Variants in GRIK4 observed in about 807,000 individuals in gnomAD.
GRIK4 encodes the protein glutamate receptor ionotropic, kainate 4.
GRIK4 carries 40 observed loss-of-function variants against 104.9 expected under a neutral mutation model. The observed-to-expected ratio is 0.38, with a 90% CI of 0.30 to 0.50. The LOEUF (loss-of-function observed/expected upper bound fraction) is 0.50, where lower values mean the gene tolerates loss of function less well. GRIK4 is among the 20% of genes least tolerant of loss of function. The pLI is 0.93. For synonymous variants in GRIK4, 485 were observed against 524.9 expected, an observed-to-expected ratio of 0.92 and a Z score of 1.04; for missense variants, 1,047 against 1,308.1, an observed-to-expected ratio of 0.80 and a Z score of 3.08.
At chr11:120,602,652 A>C (rs7948179) in intron 1 of GRIK4, among the ~76,000 whole-genome samples, 185 of 152,346 alleles carry the variant, frequency 1.2e-3, no homozygotes, top group African/African-American at 4.2e-3. Context: ...CTATCTGGGT[A>C]TGAGGGTATC....
intron 13 of GRIK4, among the ~76,000 whole-genome samples, chr11:120,918,667 A>AATTCATAC (rs1429785232): frequency 6.6e-6 from 1 of 152,172 alleles, no homozygotes; most frequent in African/African-American, 2.4e-5. Flanking sequence ...CAATCTTTAT[A>AATTCATAC]ATTCATACAA....
At chr11:120,535,732 A>C (rs754587934) in intron 1 of GRIK4, among the ~76,000 whole-genome samples, 1 of 152,232 alleles carries the variant, frequency 6.6e-6, no homozygotes, top group Non-Finnish European at 1.5e-5. Flanking sequence ...CATTAGTATT[A>C]GTATAGCAGC....
At chr11:120,968,794 A>T (rs529137079) in intron 19 of GRIK4, among the ~76,000 whole-genome samples, 2 of 152,294 alleles carry the variant, frequency 1.3e-5, no homozygotes, top group South Asian at 4.1e-4. Context: ...GTTTCAGCAC[A>T]TTAGTTAGCA....
chr11:120,905,576 A>C lies in GRIK4; in HGVS notation c.1476+83A>C. 1 of 902,394 alleles carries C rather than the reference A, an allele frequency of 1.1e-6. No individual in the cohort carries two copies. The highest frequency in any genetic ancestry group is 1.8e-6 in the Non-Finnish European group (1 of 554,278). 55.9% of individuals were successfully genotyped at this position (902,394 alleles called of 1,614,324 possible). ...ATGAGGTTGTGCTGCACGCTCATGAACCCTCCATTTGTTCAGTCAATCATT... is the reference window on the plus strand; with the variant it reads ...ATGAGGTTGTGCTGCACGCTCATGACCCCTCCATTTGTTCAGTCAATCATT... On this transcript the variant is annotated intron_variant, in intron 13 of 20. Coordinates refer to ENST00000527524, the MANE Select transcript of GRIK4 (RefSeq NM_014619.5). The surrounding 1 kb of genome is among the most constrained non-coding windows in gnomAD (Gnocchi z 5.1).
intron 19 of GRIK4, among the ~76,000 whole-genome samples, chr11:120,970,359 C>T (rs1944455120): frequency 6.6e-6 from 1 of 152,160 alleles, no homozygotes; most frequent in African/African-American, 2.4e-5. Context: ...AGGTCCAGGC[C>T]GCAAGCTCTG....
chr11:120,971,967 T>G (rs1464510958), intron 19 of GRIK4, among the ~76,000 whole-genome samples: 1 of 152,220 alleles, frequency 6.6e-6, no homozygotes. Context: ...GGAGACTAAA[T>G]GGGAGCTGCT....
chr11:120,885,674 C>A (rs1234939743), intron 11 of GRIK4, among the ~76,000 whole-genome samples: 1 of 152,206 alleles, frequency 6.6e-6, no homozygotes, highest in Non-Finnish European at 1.5e-5. Context: ...CATGAGCCAC[C>A]ACGCCTGGCC....
chr11:120,898,125 C>T (rs1942635611), intron 11 of GRIK4, among the ~76,000 whole-genome samples: 2 of 152,172 alleles, frequency 1.3e-5, no homozygotes. Flanking sequence ...TCCAGTATAG[C>T]CTTCTGGTTC....
chr11:120,891,738 A>G (rs983048773), intron 11 of GRIK4, among the ~76,000 whole-genome samples: 2 of 152,146 alleles, frequency 1.3e-5, no homozygotes, highest in Non-Finnish European at 2.9e-5. Flanking sequence ...GGTCACATCG[A>G]TGAATGTTTG....
intron 4 of GRIK4, among the ~76,000 whole-genome samples, chr11:120,809,888 G>A (rs1205698569): frequency 6.6e-6 from 1 of 152,008 alleles, no homozygotes; most frequent in Non-Finnish European, 1.5e-5. Flanking sequence ...CGATGTAGTG[G>A]GGCCCCATCT....
rs572200371 is a variant in GRIK4 at position 120,553,339 on chromosome 11, A to C, written c.-159+41452A>C. 3.3e-5 allele frequency among the ~76,000 whole-genome samples: 5 copies of C among 152,292 alleles called. No individual in the cohort carries two copies. The East Asian group carries it at 7.7e-4, about 24-fold the overall frequency. ...GCACTGGGGACACCCAGAGGAAGGA[A>C]GAGTGGGAGGAGGGGCCAACCCTGT... is the stretch of plus-strand genomic sequence containing the variant. On this transcript the variant is annotated intron_variant, in intron 1 of 20. Transcript: ENST00000527524.
At chr11:120,687,311 A>G (rs1015257057) in intron 3 of GRIK4, among the ~76,000 whole-genome samples, 4 of 152,180 alleles carry the variant, frequency 2.6e-5, no homozygotes, top group South Asian at 2.1e-4. Context: ...CCACTTTACC[A>G]TACTGCTTTA....
At chr11:120,787,847 C>CTTCTTTTTTTTTTTTT (rs1565352273) in intron 3 of GRIK4, among the ~76,000 whole-genome samples, 3 of 55,578 alleles carry the variant, frequency 5.4e-5, no homozygotes, top group African/African-American at 1.4e-4. Context: ...TTTTTCTTTT[C>CTTCTTTTTTTTTTTTT]TTTTCTTTTT....
chr11:120,529,959 C>T (rs185706036), intron 1 of GRIK4, among the ~76,000 whole-genome samples: 3 of 152,200 alleles, frequency 2.0e-5, no homozygotes, highest in Admixed American at 6.5e-5. Context: ...GCTAGGATCC[C>T]GTTCTCCTTT....
At chr11:120,620,431 C>T (rs1234306040) in intron 1 of GRIK4, among the ~76,000 whole-genome samples, 5 of 152,158 alleles carry the variant, frequency 3.3e-5, no homozygotes, top group African/African-American at 1.2e-4. Context: ...TGTATGGCCA[C>T]AGCCCCTATT....
chr11:120,788,710 T>C (rs1373690057), intron 3 of GRIK4, among the ~76,000 whole-genome samples: 1 of 152,110 alleles, frequency 6.6e-6, no homozygotes, highest in Non-Finnish European at 1.5e-5. Context: ...TGACTTTCTC[T>C]TTCCCTTCCC....
At position 120,533,404 on chromosome 11, in the gene GRIK4, C is replaced by T. The variant is rs182708968; in HGVS notation, c.-159+21517C>T. ...CAACCCTGCATACAGGTACTGCTAG[C>T]GCCCCTTTTAATAGCTGAGCCTAGA... On this transcript the variant is annotated intron_variant, in intron 1 of 20. Transcript: ENST00000527524. 2.1e-3 allele frequency among the ~76,000 whole-genome samples: 315 copies of T among 152,316 alleles called. 1 individual carries two copies. Among genetic ancestry groups the T allele is most frequent in the African/African-American group, 6.5e-3 (269 of 41,570 alleles).
chr11:120,647,027 T>TC lies in GRIK4; in HGVS notation c.-158-6656dup, dbSNP rs1949554279. 1.3e-5 allele frequency among the ~76,000 whole-genome samples: 2 copies of TC among 152,158 alleles called. 1 individual carries two copies. The highest frequency in any genetic ancestry group is 4.2e-4 in the South Asian group (2 of 4,814). On this transcript the variant is annotated intron_variant, in intron 1 of 20. Coordinates refer to ENST00000527524, the MANE Select transcript of GRIK4 (RefSeq NM_014619.5). ...CAGGTTTGAACACAGGCCTTCTGAC[T>TC]CCAAGTCCAGACCCTTTACTACAAA...
At chr11:120,869,480 G>A (rs535824506) in intron 9 of GRIK4, 20 of 152,402 alleles carry the variant, frequency 1.3e-4, no homozygotes, top group Admixed American at 7.8e-4. Flanking sequence ...AGAAGCACTC[G>A]AAGAATCTTG....
Sources: gnomAD v4.1 joint callset for allele counts (sites outside exome capture counted in the v4.1 genomes callset) on GRCh38, gnomAD v4.1.1 for gene constraint, Gnocchi (gnomAD v3.1) non-coding constraint, MANE v1.5 for transcripts, NCBI Gene and HGNC (gene_info 2026-07-23, HGNC 2026-07-21) for gene names.